Variants in CYFIP1 observed in about 807,000 individuals in gnomAD.
CYFIP1 encodes the protein cytoplasmic FMR1-interacting protein 1.
CYFIP1 carries 58 observed loss-of-function variants against 163.5 expected under a neutral mutation model. That is an observed-to-expected ratio of 0.35 (90% CI 0.29 to 0.44). The LOEUF is 0.44. Among genes scored for constraint, CYFIP1 ranks in the 20% least tolerant of loss-of-function variants. The probability of loss-of-function intolerance (pLI) is 1.00; values close to 1 mark genes in which losing one functional copy is unlikely to be tolerated. For missense variants in CYFIP1, 1,338 were observed against 1,653.8 expected, an observed-to-expected ratio of 0.81 and a Z score of 3.31; for synonymous variants, 663 against 660.7, an observed-to-expected ratio of 1.00 and a Z score of -0.05.
At chr15:22,952,659 C>CTAAAAAAAAAAAAA (rs2062294688) in intron 1 of CYFIP1, among the ~76,000 whole-genome samples, 1 of 45,678 alleles carries the variant, frequency 2.2e-5, no homozygotes. Flanking sequence ...GACTCCATCT[C>CTAAAAAAAAAAAAA]AAAAAAAAAA....
Position 22,867,367 on chromosome 15 carries a change from G to C in CYFIP1, c.*2661C>G, listed in dbSNP as rs1023521523. On this transcript the variant is annotated 3_prime_UTR_variant, in exon 31 of 31. Transcript: ENST00000617928. ...TTAAGGGAAAACTAAGTTACTGAATGAAGGAACCTCTTTCTTACAAAACAA... is the reference window on the plus strand; with the variant it reads ...TTAAGGGAAAACTAAGTTACTGAATCAAGGAACCTCTTTCTTACAAAACAA... The C allele has an allele frequency of 5.3e-5, 21 of 393,056 alleles. No individual in the cohort carries two copies. The highest frequency in any genetic ancestry group is 9.4e-5 in the Non-Finnish European group (21 of 223,320). The allele number at this position is 393,056 out of a possible 1,614,324, so 24.3% of individuals were successfully genotyped here.
intron 1 of CYFIP1, among the ~76,000 whole-genome samples, chr15:22,979,117 G>A (rs934593241): frequency 1.3e-5 from 2 of 152,188 alleles, no homozygotes; most frequent in African/African-American, 4.8e-5. Context: ...CGGTCGCAGT[G>A]AGGGCACCGG....
At position 22,869,777 on chromosome 15, in the gene CYFIP1, A is replaced by G. The variant is rs138101607; in HGVS notation, c.*251T>C. 1.2e-4 allele frequency: 39 copies of G among 335,606 alleles called. No homozygotes were observed. The East Asian group carries it at 2.0e-3, about 18-fold the overall frequency. 20.8% of individuals were successfully genotyped at this position (335,606 alleles called of 1,614,324 possible). ...TGACACAGCTGCCAGAACATCCCAT[A>G]GAAAAACAATTTTGTAGGAACGTGA... On this transcript the variant is annotated 3_prime_UTR_variant, in exon 31 of 31. Coordinates refer to ENST00000617928, the MANE Select transcript of CYFIP1 (RefSeq NM_014608.6).
At chr15:22,889,726 T>A (rs924569617) in intron 23 of CYFIP1, among the ~76,000 whole-genome samples, 46 of 145,434 alleles carry the variant, frequency 3.2e-4, no homozygotes, top group African/African-American at 1.1e-3. Flanking sequence ...CACAAATGCC[T>A]CTCTATCAGG....
At chr15:22,963,859 A>C (rs1441005661) in intron 1 of CYFIP1, among the ~76,000 whole-genome samples, 1 of 152,150 alleles carries the variant, frequency 6.6e-6, no homozygotes, top group Non-Finnish European at 1.5e-5. Context: ...CCATGCCTTC[A>C]TGAGGACGGC....
intron 23 of CYFIP1, among the ~76,000 whole-genome samples, chr15:22,886,169 C>T (rs748425748): frequency 3.3e-5 from 5 of 152,106 alleles, no homozygotes; most frequent in Non-Finnish European, 7.4e-5. Context: ...ATGAGAACAT[C>T]GTCACCCCCA....
intron 15 of CYFIP1, chr15:22,916,942 G>C: frequency 1.3e-6 from 2 of 1,551,734 alleles, no homozygotes; most frequent in Non-Finnish European, 1.7e-6. Context: ...TTAACCGCAT[G>C]CAAGAGCCTC....
intron 29 of CYFIP1, 94 bp downstream of exon 29, chr15:22,873,397 G>A (rs2059490917): frequency 2.9e-6 from 3 of 1,047,720 alleles, no homozygotes; most frequent in Non-Finnish European, 4.3e-6. Flanking sequence ...CACTTCCTGA[G>A]CATGGCTGGC....
At chr15:22,949,309 TGCGCCTAAGCCTAAAGC>T in intron 1 of CYFIP1, among the ~76,000 whole-genome samples, 2 of 81,276 alleles carry the variant, frequency 2.5e-5, no homozygotes, top group Non-Finnish European at 5.2e-5. Context: ...GCGGGCACAA[TGCGCCTAAGCCTAAAGC>T]GGGGAGGTGC....
At chr15:22,928,148 G>C (rs1193743862) in intron 11 of CYFIP1, 120 bp from the exon 12 acceptor site, 3 of 1,209,644 alleles carry the variant, frequency 2.5e-6, no homozygotes, top group African/African-American at 1.6e-5. Context: ...AAATGCAGGA[G>C]GCCAAGGCGG....
chr15:22,916,749 C>T (rs768038040), intron 15 of CYFIP1, 119 bp from the exon 16 acceptor site: 23 of 1,610,662 alleles, frequency 1.4e-5, no homozygotes, highest in Middle Eastern at 3.3e-4. Context: ...GGGAGGGCCC[C>T]GCACCAGCTC....
intron 1 of CYFIP1, among the ~76,000 whole-genome samples, chr15:22,965,602 T>C (rs1051860431): frequency 6.6e-6 from 1 of 152,182 alleles, no homozygotes; most frequent in African/African-American, 2.4e-5. Flanking sequence ...GCCCACACAA[T>C]GACAAAAGTG....
rs2060811990 is a variant in CYFIP1, at chr15:22,912,254, G to A, written c.2007C>T (p.Asp669=). Residue 669 remains aspartate, a synonymous_variant, in exon 18 of 31, where the codon GAC becomes GAT. Coordinates refer to ENST00000617928, the MANE Select transcript of CYFIP1 (RefSeq NM_014608.6). ...CGTAGTGGGCGCTGTCATTGTACAG[G>A]TCCAGGGAGTAGAGCACGTACCTGC... ...SMMEYVLYSL[D]LYNDSAHYAL... is the part of the protein sequence containing the mutation. 6.2e-7 allele frequency: 1 copy of A among 1,613,522 alleles called. No individual in the cohort carries two copies. The highest frequency in any genetic ancestry group is 2.2e-5 in the East Asian group (1 of 44,848).
chr15:22,965,031 T>G (rs892057650), intron 1 of CYFIP1, among the ~76,000 whole-genome samples: 2 of 124,128 alleles, frequency 1.6e-5, no homozygotes, highest in African/African-American at 6.8e-5. Flanking sequence ...CTGAATAGTA[T>G]TCCATTGTGT....
chr15:22,870,956 ACCTAT>A (rs999479396), intron 30 of CYFIP1, among the ~76,000 whole-genome samples: 23 of 152,302 alleles, frequency 1.5e-4, no homozygotes, highest in African/African-American at 5.5e-4. Context: ...AGCTGGTTCT[ACCTAT>A]GCAGGTGGTA....
chr15:22,928,364 C>A (rs1413331285), intron 11 of CYFIP1, among the ~76,000 whole-genome samples: 1 of 151,906 alleles, frequency 6.6e-6, no homozygotes, highest in Non-Finnish European at 1.5e-5. Context: ...GCCTGGGCGA[C>A]AGAGCGAGAC....
intron 16 of CYFIP1, among the ~76,000 whole-genome samples, chr15:22,915,502 G>A (rs573926863): frequency 6.6e-6 from 1 of 152,128 alleles, no homozygotes; most frequent in Non-Finnish European, 1.5e-5. Flanking sequence ...TGTAATCCTA[G>A]CACTTTGGGA....
chr15:22,959,917 T>G (rs2062618165), intron 1 of CYFIP1, among the ~76,000 whole-genome samples: 2 of 152,176 alleles, frequency 1.3e-5, no homozygotes, highest in Non-Finnish European at 2.9e-5. Flanking sequence ...CCTGTTCTTT[T>G]CCTGTCTCTC....
intron 13 of CYFIP1, among the ~76,000 whole-genome samples, chr15:22,924,280 C>T (rs1165455498): frequency 2.0e-5 from 3 of 151,980 alleles, no homozygotes; most frequent in Non-Finnish European, 4.4e-5. Flanking sequence ...AAAAATTAGC[C>T]GGGCGTGGTG....
Sources: allele counts gnomAD v4.1 joint callset (sites outside exome capture counted in the v4.1 genomes callset), GRCh38; gene constraint gnomAD v4.1.1; transcripts MANE v1.5; gene names NCBI Gene and HGNC (gene_info 2026-07-23, HGNC 2026-07-21).